Variants in MLEC observed in about 807,000 individuals in gnomAD.
MLEC encodes the protein malectin, also known as oligosaccharyltransferase complex subunit (non-catalytic).
In MLEC, 7 loss-of-function variants were observed where a neutral mutation model predicts 28.7. The observed-to-expected ratio is 0.24, with a 90% CI of 0.14 to 0.46. The LOEUF is 0.46. Ranked by LOEUF, MLEC falls within the 20% of genes least tolerant of loss-of-function variation. The pLI, the probability that MLEC is intolerant of heterozygous loss-of-function variation, is 0.99. For missense variants in MLEC, 237 were observed against 391.1 expected, an observed-to-expected ratio of 0.61 and a Z score of 3.32; for synonymous variants, 142 against 164.4, an observed-to-expected ratio of 0.86 and a Z score of 1.04.
intron 1 of MLEC, among the ~76,000 whole-genome samples, chr12:120,693,802 A>G (rs936892405): frequency 6.6e-6 from 1 of 152,222 alleles, no homozygotes; most frequent in Non-Finnish European, 1.5e-5. Context: ...CCGTACAGTC[A>G]GGGGGAAAAA....
At position 120,694,817 on chromosome 12, in the gene MLEC, C is replaced by T; in HGVS notation, c.415-7C>T. On this transcript the variant is annotated splice_region_variant and splice_polypyrimidine_tract_variant and intron_variant, in intron 2 of 4. Transcript: ENST00000228506. This position sits in a 1 kb window ranked among gnomAD's most constrained non-coding sequence, Gnocchi z 4.5. ...TTTGACATTGTTTTCTTTTCTTATCCTGGAAGGTATTTGATGTACGATTGA... is the reference window on the plus strand; with the variant it reads ...TTTGACATTGTTTTCTTTTCTTATCTTGGAAGGTATTTGATGTACGATTGA... The T allele has an allele frequency of 6.2e-7, 1 of 1,601,566 alleles. No individual in the cohort carries two copies. The highest frequency in any genetic ancestry group is 8.5e-7 in the Non-Finnish European group (1 of 1,171,726).
chr12:120,689,164 C>A (rs1181053035), intron 1 of MLEC, among the ~76,000 whole-genome samples: 1 of 151,782 alleles, frequency 6.6e-6, no homozygotes, highest in Non-Finnish European at 1.5e-5. Flanking sequence ...CAGATACTGC[C>A]CTTATTCAGA....
intron 1 of MLEC, among the ~76,000 whole-genome samples, chr12:120,690,389 G>A (rs3999404): frequency 0.025 from 3,842 of 152,150 alleles, 74 homozygotes; most frequent in South Asian, 0.045. Flanking sequence ...TTGACCTGAG[G>A]GCACAGAATT....
At chr12:120,688,676 A>G (rs1051763882) in intron 1 of MLEC, among the ~76,000 whole-genome samples, 7 of 152,190 alleles carry the variant, frequency 4.6e-5, no homozygotes, top group African/African-American at 1.4e-4. Flanking sequence ...TGCTTTTACT[A>G]AAATAGTTAG....
chr12:120,694,371 A>G lies in MLEC; in HGVS notation c.414+102A>G. 1 of 1,196,730 alleles carries G rather than the reference A, an allele frequency of 8.4e-7. No homozygotes were observed. The highest frequency in any genetic ancestry group is 1.2e-6 in the Non-Finnish European group (1 of 847,514). 74.1% of individuals were successfully genotyped at this position (1,196,730 alleles called of 1,614,324 possible). A position where few individuals can be genotyped will look rare whatever the true frequency, so the allele number is the denominator to read the frequency against. On this transcript the variant is annotated intron_variant, in intron 2 of 4. Transcript: ENST00000228506. This position sits in a 1 kb window ranked among gnomAD's most constrained non-coding sequence, Gnocchi z 4.5. ...AGTGTGAGAGTCTCTCCAGAAAGGC[A>G]GAACAGATGAGCTCTAGAGAAGCAT...
At position 120,697,643 on chromosome 12, in the gene MLEC, G is replaced by A. The variant is rs1359472581; in HGVS notation, c.*1098G>A. 1.3e-5 allele frequency: 2 copies of A among 152,678 alleles called. No individual in the cohort carries two copies. Among genetic ancestry groups the A allele is most frequent in the African/African-American group, 4.8e-5 (2 of 41,458 alleles). 9.5% of individuals were successfully genotyped at this position (152,678 alleles called of 1,614,324 possible). A position where few individuals can be genotyped will look rare whatever the true frequency, so the allele number is the denominator to read the frequency against. On this transcript the variant is annotated 3_prime_UTR_variant, in exon 5 of 5. Transcript: ENST00000228506. The surrounding 1 kb of genome is among the most constrained non-coding windows in gnomAD (Gnocchi z 4.8). ...ATTAGAAAAGGCTTATGTTAGCATA[G>A]CTTAAGAGCAACCTCAGAGATTTGA... is the stretch of plus-strand genomic sequence containing the variant.
Position 120,700,635 on chromosome 12 carries a change from A to G in MLEC, c.*4090A>G, listed in dbSNP as rs1882411480. ...GATGGAAAGATATAATTAACGATCA[A>G]AGAGCTCTAAGAAAATTGCAAAGAA... On this transcript the variant is annotated 3_prime_UTR_variant, in exon 5 of 5. Transcript: ENST00000228506. This position sits in a 1 kb window ranked among gnomAD's most constrained non-coding sequence, Gnocchi z 4.0. 1 of 152,194 alleles carries G rather than the reference A, an allele frequency of 6.6e-6. No homozygotes were observed. The highest frequency in any genetic ancestry group is 6.5e-5 in the Admixed American group (1 of 15,274). The allele number at this position is 152,194 out of a possible 1,614,324, so 9.4% of individuals were successfully genotyped here.
At chr12:120,689,770 C>T (rs1250407173) in intron 1 of MLEC, among the ~76,000 whole-genome samples, 1 of 152,220 alleles carries the variant, frequency 6.6e-6, no homozygotes, top group East Asian at 1.9e-4. Context: ...AACTGTATGC[C>T]TTATTTCTTT....
At position 120,687,521 on chromosome 12, in the gene MLEC, G is replaced by A. The variant is rs374055843; in HGVS notation, c.225G>A (p.Arg75=). The change falls in exon 1 of 5, where the codon CGG becomes CGA. Residue 75 remains arginine (R), a synonymous_variant. Transcript: ENST00000228506. The surrounding 1 kb of genome is among the most constrained non-coding windows in gnomAD (Gnocchi z 8.1). ...IHFRKDPLEG[R]VGRASDYGMK... is the part of the protein sequence containing the mutation. ...TCCGCAAGGACCCTTTGGAAGGCCG[G>A]GTGGGCCGAGGTGAGAGTCCCCCTG... The A allele has an allele frequency of 2.3e-5, 34 of 1,491,318 alleles. No homozygotes were observed. In the Middle Eastern group the frequency reaches 7.5e-4, roughly 33 times the overall value. 92.4% of individuals were successfully genotyped at this position (1,491,318 alleles called of 1,614,324 possible). A position where few individuals can be genotyped will look rare whatever the true frequency, so the allele number is the denominator to read the frequency against.
intron 1 of MLEC, among the ~76,000 whole-genome samples, chr12:120,692,275 T>G (rs1221563686): frequency 6.6e-6 from 1 of 152,220 alleles, no homozygotes; most frequent in Non-Finnish European, 1.5e-5. Context: ...ACAGTCCTCA[T>G]GGAAGAAGGA....
chr12:120,690,175 TA>T (rs1019390621), intron 1 of MLEC, among the ~76,000 whole-genome samples: 3 of 149,858 alleles, frequency 2.0e-5, no homozygotes, highest in African/African-American at 4.9e-5. Flanking sequence ...TGAAAATTTT[TA>T]ATTTTTTTTT....
intron 1 of MLEC, among the ~76,000 whole-genome samples, chr12:120,693,334 G>T (rs773923785): frequency 6.6e-6 from 1 of 152,196 alleles, no homozygotes; most frequent in Non-Finnish European, 1.5e-5. Context: ...TATGAGTGGC[G>T]ACTATGTGCC....
At position 120,694,987 on chromosome 12, in the gene MLEC, T is replaced by C. The variant is rs1882175718; in HGVS notation, c.578T>C (p.Ile193Thr). 1 of 1,614,114 alleles carries C rather than the reference T, an allele frequency of 6.2e-7. No individual in the cohort carries two copies. The highest frequency in any genetic ancestry group is 8.5e-7 in the Non-Finnish European group (1 of 1,179,994). ...TCCACCTTCACAGGGAAACTCTACA[T>C]TGAGTTTGTCAAGGTAATTCCCCTA... Reference protein sequence around the residue: ...EVSTFTGKLYIEFVKGYYDNP... With the variant: ...EVSTFTGKLYTEFVKGYYDNP... Residue 193 changes from isoleucine (I) to threonine (T), a missense_variant, in exon 3 of 5, where the codon ATT (isoleucine) becomes ACT (threonine). Physicochemically the swap from Ile to Thr is moderately conservative, Grantham distance 89 (BLOSUM62 -1). Transcript: ENST00000228506. This position sits in a 1 kb window ranked among gnomAD's most constrained non-coding sequence, Gnocchi z 4.5.
In MLEC at chr12:120,701,295, T is replaced by A. The variant is rs185204565; in HGVS notation, c.*4750T>A. 3 of 152,470 alleles carry A rather than the reference T, an allele frequency of 2.0e-5. No individual in the cohort carries two copies. Among genetic ancestry groups the A allele is most frequent in the Admixed American group, 1.3e-4 (2 of 15,300 alleles). The allele number at this position is 152,470 out of a possible 1,614,324, so 9.4% of individuals were successfully genotyped here. ...GGGGAGCACTGGCAGGGAGAGACAT[T>A]CTTGACTCCTCTCTTCCCTGGTGTG... On this transcript the variant is annotated 3_prime_UTR_variant, in exon 5 of 5. Coordinates refer to ENST00000228506, the MANE Select transcript of MLEC (RefSeq NM_014730.4). This position sits in a 1 kb window ranked among gnomAD's most constrained non-coding sequence, Gnocchi z 4.0.
chr12:120,700,742 C>G lies in MLEC; in HGVS notation c.*4197C>G, dbSNP rs955489999. The G allele has an allele frequency of 6.6e-6, 1 of 152,250 alleles. No homozygotes were observed. Among genetic ancestry groups the G allele is most frequent in the Non-Finnish European group, 1.5e-5 (1 of 68,048 alleles). 9.4% of individuals were successfully genotyped at this position (152,250 alleles called of 1,614,324 possible). On this transcript the variant is annotated 3_prime_UTR_variant, in exon 5 of 5. Coordinates refer to ENST00000228506, the MANE Select transcript of MLEC (RefSeq NM_014730.4). This position sits in a 1 kb window ranked among gnomAD's most constrained non-coding sequence, Gnocchi z 4.0. ...TAAGACTCTCTGTATTTAAATCTCTCTGGGGCAAGAGGGCTAGATTTCCTC... is the reference window on the plus strand; with the variant it reads ...TAAGACTCTCTGTATTTAAATCTCTGTGGGGCAAGAGGGCTAGATTTCCTC...
rs1882305211 is a variant in MLEC, at chr12:120,698,060, T to A, written c.*1515T>A. 1 of 152,164 alleles carries A rather than the reference T, an allele frequency of 6.6e-6. No homozygotes were observed. The highest frequency in any genetic ancestry group is 2.4e-5 in the African/African-American group (1 of 41,434). 9.4% of individuals were successfully genotyped at this position (152,164 alleles called of 1,614,324 possible). On this transcript the variant is annotated 3_prime_UTR_variant, in exon 5 of 5. Transcript: ENST00000228506. ...TGGCCATTGTCATCCATTTCCCAGT[T>A]AGGGCAACAATGAAGGAGGACCCAG...
chr12:120,699,989 C>T lies in MLEC; in HGVS notation c.*3444C>T, dbSNP rs1306272348. ...CCTTCTTCTCCTGCCTCTAGCCTCTCCTGGAAAGGCCTGGATATGGTTTCT... is the reference window on the plus strand; with the variant it reads ...CCTTCTTCTCCTGCCTCTAGCCTCTTCTGGAAAGGCCTGGATATGGTTTCT... On this transcript the variant is annotated 3_prime_UTR_variant, in exon 5 of 5. Transcript: ENST00000228506. 4 of 152,644 alleles carry T rather than the reference C, an allele frequency of 2.6e-5. No individual in the cohort carries two copies. The allele number at this position is 152,644 out of a possible 1,614,324, so 9.5% of individuals were successfully genotyped here. A position where few individuals can be genotyped will look rare whatever the true frequency, so the allele number is the denominator to read the frequency against.
At chr12:120,689,540 G>A (rs1024685011) in intron 1 of MLEC, among the ~76,000 whole-genome samples, 3 of 152,194 alleles carry the variant, frequency 2.0e-5, no homozygotes, top group African/African-American at 7.2e-5. Flanking sequence ...GCAACATTGC[G>A]CTTACCAGGT....
Position 120,694,402 on chromosome 12 carries a change from A to G in MLEC, c.414+133A>G, listed in dbSNP as rs943083649. On this transcript the variant is annotated intron_variant, in intron 2 of 4. Transcript: ENST00000228506. The surrounding 1 kb of genome is among the most constrained non-coding windows in gnomAD (Gnocchi z 4.5). ...GATGAGCTCTAGAGAAGCATGTTCC[A>G]TAGTGCACAAGGCTGCACTTGCCTT... 6.3e-6 allele frequency: 6 copies of G among 946,808 alleles called. No individual in the cohort carries two copies. In the African/African-American group the frequency reaches 6.6e-5, roughly 10 times the overall value. The allele number at this position is 946,808 out of a possible 1,614,324, so 58.7% of individuals were successfully genotyped here. A position where few individuals can be genotyped will look rare whatever the true frequency, so the allele number is the denominator to read the frequency against.
Sources: allele counts gnomAD v4.1 joint callset (sites outside exome capture counted in the v4.1 genomes callset), GRCh38; gene constraint gnomAD v4.1.1; non-coding constraint Gnocchi (gnomAD v3.1); transcripts MANE v1.5; gene names NCBI Gene and HGNC (gene_info 2026-07-23, HGNC 2026-07-21).